ZNF654: variants seen among roughly 807,000 people sequenced by gnomAD.
The protein encoded by ZNF654 is melanoma-associated antigen.
In ZNF654, 19 loss-of-function variants were observed where a neutral mutation model predicts 95.3. The ratio of observed to expected loss-of-function variants is 0.20; its 90% CI spans 0.14 to 0.29. The LOEUF is 0.29. ZNF654 is among the 10% of genes least tolerant of loss of function. The probability of loss-of-function intolerance (pLI) is 1.00; values close to 1 mark genes in which losing one functional copy is unlikely to be tolerated. For missense variants in ZNF654, 1,046 were observed against 1,341.0 expected, an observed-to-expected ratio of 0.78 and a Z score of 3.44; for synonymous variants, 413 against 457.9, an observed-to-expected ratio of 0.90 and a Z score of 1.25.
intron 2 of ZNF654, among the ~76,000 whole-genome samples, chr3:88,109,755 T>C (rs1704977203): frequency 6.6e-6 from 1 of 152,178 alleles, no homozygotes; most frequent in South Asian, 2.1e-4. Context: ...TAACTTACAA[T>C]TTGGACTAAA....
intron 1 of ZNF654, among the ~76,000 whole-genome samples, chr3:88,084,931 A>T (rs1171092991): frequency 6.6e-6 from 1 of 152,198 alleles, no homozygotes; most frequent in Non-Finnish European, 1.5e-5. Flanking sequence ...CTACAAGCAC[A>T]TCTGCCTGAC....
chr3:88,072,752 A>G (rs1322412176), intron 1 of ZNF654, among the ~76,000 whole-genome samples: 1 of 152,136 alleles, frequency 6.6e-6, no homozygotes, highest in Non-Finnish European at 1.5e-5. Context: ...TTATCCCTCC[A>G]CAAAAAAATG....
intron 7 of ZNF654, 25 bp downstream of exon 7, chr3:88,135,227 A>G: frequency 7.2e-7 from 1 of 1,398,406 alleles, no homozygotes; most frequent in Non-Finnish European, 9.3e-7. Context: ...TTTGTCCCTT[A>G]AATTTAAAAT....
At chr3:88,069,536 A>T (rs921335939) in intron 1 of ZNF654, among the ~76,000 whole-genome samples, 3 of 152,238 alleles carry the variant, frequency 2.0e-5, no homozygotes, top group Non-Finnish European at 4.4e-5. Flanking sequence ...CATAGCACTT[A>T]TCGAAGTTAT....
At chr3:88,064,369 T>C (rs1258209703) in intron 1 of ZNF654, among the ~76,000 whole-genome samples, 2 of 152,188 alleles carry the variant, frequency 1.3e-5, no homozygotes, top group African/African-American at 2.4e-5. Flanking sequence ...ACTTTGATTA[T>C]ACCCCGTTTT....
intron 1 of ZNF654, among the ~76,000 whole-genome samples, chr3:88,082,783 A>C (rs1267912405): frequency 6.6e-6 from 1 of 152,188 alleles, no homozygotes; most frequent in African/African-American, 2.4e-5. Context: ...TATATGTTTA[A>C]ATAGTTGTGT....
intron 1 of ZNF654, among the ~76,000 whole-genome samples, chr3:88,074,610 G>A (rs1222185380): frequency 1.3e-5 from 2 of 152,026 alleles, no homozygotes; most frequent in African/African-American, 4.8e-5. Flanking sequence ...CCAAAGTGCT[G>A]GATTATAAGC....
At chr3:88,078,167 C>G (rs1052685760) in intron 1 of ZNF654, among the ~76,000 whole-genome samples, 11 of 152,174 alleles carry the variant, frequency 7.2e-5, no homozygotes, top group African/African-American at 2.7e-4. Flanking sequence ...ATTCTTTCCT[C>G]TTGGATGGAA....
At chr3:88,077,512 T>TC (rs1463440235) in intron 1 of ZNF654, among the ~76,000 whole-genome samples, 1 of 151,402 alleles carries the variant, frequency 6.6e-6, no homozygotes, top group Non-Finnish European at 1.5e-5. Context: ...TTTTGTGATT[T>TC]TTTTAGTAGA....
At chr3:88,125,179 C>T (rs950188480) in intron 3 of ZNF654, among the ~76,000 whole-genome samples, 3 of 150,382 alleles carry the variant, frequency 2.0e-5, no homozygotes, top group African/African-American at 7.3e-5. Context: ...CGTGCCACTG[C>T]ACTCCAGCCT....
chr3:88,088,498 A>C lies in ZNF654; in HGVS notation c.332+2096A>C, dbSNP rs144834307. ...TGAAAGGAATAATGAGATATGAAAA[A>C]TGAATTTGAAATTAAGAAAATATGA... On this transcript the variant is annotated intron_variant, in intron 2 of 8. Coordinates refer to ENST00000636215, the MANE Select transcript of ZNF654 (RefSeq NM_001350134.2). Among the ~76,000 whole-genome samples, 574 of 152,308 alleles carry C rather than the reference A, an allele frequency of 3.8e-3. 1 individual carries two copies. Among genetic ancestry groups the C allele is most frequent in the Middle Eastern group, 6.8e-3 (2 of 294 alleles).
At chr3:88,089,220 G>C (rs894656352) in intron 2 of ZNF654, among the ~76,000 whole-genome samples, 1 of 150,094 alleles carries the variant, frequency 6.7e-6, no homozygotes, top group Admixed American at 6.6e-5. Context: ...GCCCGGGTGC[G>C]GTGGCTCACG....
intron 4 of ZNF654, among the ~76,000 whole-genome samples, chr3:88,127,137 A>G (rs908274820): frequency 2.6e-5 from 4 of 152,172 alleles, no homozygotes; most frequent in African/African-American, 7.2e-5. Flanking sequence ...GAGAGAGCCA[A>G]TGGAGTTTAG....
At chr3:88,086,469 A>G in intron 2 of ZNF654, 67 bp downstream of exon 2, 1 of 1,294,780 alleles carries the variant, frequency 7.7e-7, no homozygotes, top group East Asian at 2.7e-5. Context: ...TGTTTTTGAT[A>G]ATTTCTTCTG....
At chr3:88,103,434 C>A (rs918490825) in intron 2 of ZNF654, among the ~76,000 whole-genome samples, 20 of 152,008 alleles carry the variant, frequency 1.3e-4, no homozygotes, top group African/African-American at 4.8e-4. Flanking sequence ...CATAGAAATA[C>A]CCAAACTAAA....
At chr3:88,106,206 T>A (rs1426420464) in intron 2 of ZNF654, among the ~76,000 whole-genome samples, 2 of 152,226 alleles carry the variant, frequency 1.3e-5, no homozygotes, top group East Asian at 1.9e-4. Context: ...TGTGTTTGAT[T>A]TTTCCTGAGC....
chr3:88,076,120 T>C (rs1377687807), intron 1 of ZNF654, among the ~76,000 whole-genome samples: 1 of 152,264 alleles, frequency 6.6e-6, no homozygotes, highest in East Asian at 1.9e-4. Context: ...ATCTCCCTGC[T>C]TTTTAATTTA....
intron 2 of ZNF654, among the ~76,000 whole-genome samples, chr3:88,103,114 A>G (rs1343630934): frequency 6.6e-6 from 1 of 152,124 alleles, no homozygotes; most frequent in Non-Finnish European, 1.5e-5. Flanking sequence ...CACTTAGGAT[A>G]ATGGCCTTAT....
chr3:88,084,822 T>TA, intron 1 of ZNF654, among the ~76,000 whole-genome samples: 2 of 152,318 alleles, frequency 1.3e-5, no homozygotes, highest in Admixed American at 1.3e-4. Flanking sequence ...TCAAGTCTCA[T>TA]ACAGTTGACA....
Sources: gnomAD v4.1 joint callset for allele counts (sites outside exome capture counted in the v4.1 genomes callset) on GRCh38, gnomAD v4.1.1 for gene constraint, MANE v1.5 for transcripts, NCBI Gene and HGNC (gene_info 2026-07-23, HGNC 2026-07-21) for gene names.